RBFOX1: variants seen among roughly 807,000 people sequenced by gnomAD.
RBFOX1 encodes the protein RNA binding fox-1 homolog 1.
RBFOX1 carries 8 observed loss-of-function variants against 57.7 expected under a neutral mutation model. The ratio of observed to expected loss-of-function variants is 0.14; its 90% confidence interval spans 0.08 to 0.25. RBFOX1 has a LOEUF of 0.25. RBFOX1 is among the 10% of genes least tolerant of loss of function. RBFOX1 has a pLI of 1.00. For missense variants in RBFOX1, 611 were observed against 548.5 expected (o/e 1.11, Z -1.14); for synonymous variants, 326 against 222.4 (o/e 1.47, Z -4.15).
chr16:6,870,382 C>T (rs1003525512), intron 3 of RBFOX1, among the ~76,000 whole-genome samples: 1 of 152,140 alleles, frequency 6.6e-6, no homozygotes, highest in Non-Finnish European at 1.5e-5. Flanking sequence ...TCACATATCT[C>T]ATTTGCATTT....
At chr16:6,276,372 T>C (rs991099515) in intron 1 of RBFOX1, among the ~76,000 whole-genome samples, 4 of 152,200 alleles carry the variant, frequency 2.6e-5, no homozygotes, top group African/African-American at 9.6e-5. Context: ...TCCCATTCTG[T>C]TGCCCAAGCT....
Position 6,856,268 on chromosome 16 carries a change from G to A in RBFOX1, c.-15-195789G>A, listed in dbSNP as rs577187416. 1.2e-4 allele frequency among the ~76,000 whole-genome samples: 19 copies of A among 152,216 alleles called. 1 individual carries two copies. The East Asian group carries it at 3.7e-3, about 29-fold the overall frequency. On this transcript the variant is annotated intron_variant, in intron 3 of 15. Transcript: ENST00000550418. The stretch of plus-strand genomic sequence containing the variant: ...GCCTCCATCTGCTCAGATCTTTTTA[G>A]TAGGTGTTTTATTGTTGAGTATGAT...
intron 1 of RBFOX1, among the ~76,000 whole-genome samples, chr16:6,147,895 A>G (rs1405000045): frequency 1.3e-5 from 2 of 152,202 alleles, no homozygotes; most frequent in African/African-American, 4.8e-5. Flanking sequence ...CCCCACTTCT[A>G]GTCATCTCCA....
chr16:6,214,383 G>T (rs1471255320), intron 1 of RBFOX1, among the ~76,000 whole-genome samples: 1 of 150,168 alleles, frequency 6.7e-6, no homozygotes, highest in Non-Finnish European at 1.5e-5. Flanking sequence ...AAGAGTGAGA[G>T]TGAGAGGGAG....
chr16:6,098,199 G>A (rs934237263), intron 1 of RBFOX1, among the ~76,000 whole-genome samples: 7 of 152,196 alleles, frequency 4.6e-5, no homozygotes, highest in African/African-American at 1.7e-4. Context: ...CACCCTGGGA[G>A]GGCCTGTGTG....
At chr16:5,351,266 C>T (rs1050957154) in intron 1 of RBFOX1, among the ~76,000 whole-genome samples, 5 of 152,198 alleles carry the variant, frequency 3.3e-5, no homozygotes, top group Non-Finnish European at 5.9e-5. Context: ...ATATGTTTGT[C>T]ATCTGTTAAG....
intron 3 of RBFOX1, among the ~76,000 whole-genome samples, chr16:6,819,715 AAAAAAAAAAAAAAAAAT>A (rs2090902024): frequency 7.0e-6 from 1 of 142,802 alleles, no homozygotes; most frequent in Non-Finnish European, 1.5e-5. Flanking sequence ...CAAAAAAAAA[AAAAAAAAAAAAAAAAAT>A]AACAACACCA....
intron 4 of RBFOX1, among the ~76,000 whole-genome samples, chr16:7,466,458 C>A (rs1599124157): frequency 6.6e-6 from 1 of 152,222 alleles, no homozygotes; most frequent in East Asian, 1.9e-4. Flanking sequence ...GGCTTAGTAG[C>A]TCGGTTTTAA....
At chr16:5,601,964 A>C (rs1596399483), downstream of RBFOX1, among the ~76,000 whole-genome samples, 1 of 152,102 alleles carries the variant, frequency 6.6e-6, no homozygotes, top group African/African-American at 2.4e-5. Flanking sequence ...AGTGGAAGGG[A>C]TGATGGTATC....
intron 4 of RBFOX1, among the ~76,000 whole-genome samples, chr16:7,090,801 A>G (rs2060706672): frequency 6.6e-6 from 1 of 152,076 alleles, no homozygotes; most frequent in African/African-American, 2.4e-5. Flanking sequence ...AAAAGCAGGG[A>G]AGTCACGTTT....
At chr16:6,919,274 C>T (rs1158951959) in intron 3 of RBFOX1, among the ~76,000 whole-genome samples, 2 of 152,162 alleles carry the variant, frequency 1.3e-5, no homozygotes, top group Non-Finnish European at 2.9e-5. Context: ...AGGTGTGAGC[C>T]ATGGCGCCTG....
At chr16:5,791,909 C>G (rs748982062) in intron 3 of RBFOX1, among the ~76,000 whole-genome samples, 1 of 152,208 alleles carries the variant, frequency 6.6e-6, no homozygotes, top group Non-Finnish European at 1.5e-5. Context: ...GAAGAACCAG[C>G]AAGATGACTG....
At chr16:7,387,019 A>G (rs537051748) in intron 4 of RBFOX1, among the ~76,000 whole-genome samples, 6 of 152,306 alleles carry the variant, frequency 3.9e-5, no homozygotes, top group East Asian at 3.9e-4. Context: ...GGCTGCATAA[A>G]TGTCTTCTCT....
At chr16:6,560,836 C>A (rs1030913850) in intron 2 of RBFOX1, among the ~76,000 whole-genome samples, 1 of 152,104 alleles carries the variant, frequency 6.6e-6, no homozygotes. Context: ...ATGGAATCTC[C>A]AAGATCAAGC....
intron 1 of RBFOX1, among the ~76,000 whole-genome samples, chr16:6,268,360 A>G (rs1309866980): frequency 6.6e-6 from 1 of 152,076 alleles, no homozygotes; most frequent in East Asian, 1.9e-4. Flanking sequence ...GCCTTCCAGG[A>G]CAGTGCTCAG....
intron 3 of RBFOX1, among the ~76,000 whole-genome samples, chr16:6,719,397 A>G (rs185992568): frequency 6.6e-6 from 1 of 152,218 alleles, no homozygotes; most frequent in Admixed American, 6.5e-5. Context: ...ACTATTACTA[A>G]TAGTTTAAAA....
chr16:7,710,260 T>G (rs2083775524), intron 15 of RBFOX1: 18 of 1,082,736 alleles, frequency 1.7e-5, no homozygotes, highest in Non-Finnish European at 1.8e-5. Flanking sequence ...ACATGAGGAA[T>G]GTGTTGGAGA....
chr16:6,109,863 A>C lies in RBFOX1; in HGVS notation c.-127+89871A>C, dbSNP rs576258910. Reference sequence around the variant, plus strand: ...TTACATCAAATAGGATATTATATAAATTTCTTAAAACAGAGCAGAAATCTT... The same window carrying C: ...TTACATCAAATAGGATATTATATAACTTTCTTAAAACAGAGCAGAAATCTT... On this transcript the variant is annotated intron_variant, in intron 1 of 15. Transcript: ENST00000550418. Among the ~76,000 whole-genome samples, 192 of 152,296 alleles carry C rather than the reference A, an allele frequency of 1.3e-3. 2 individuals are homozygous for C. Among genetic ancestry groups the C allele is most frequent in the African/African-American group, 4.1e-3 (169 of 41,568 alleles).
At chr16:7,162,254 C>G (rs1188802260) in intron 4 of RBFOX1, among the ~76,000 whole-genome samples, 1 of 152,182 alleles carries the variant, frequency 6.6e-6, no homozygotes, top group Non-Finnish European at 1.5e-5. Context: ...CATCCATCAT[C>G]TACTTATATT....
Sources: allele counts gnomAD v4.1 joint callset (sites outside exome capture counted in the v4.1 genomes callset), GRCh38; gene constraint gnomAD v4.1.1; transcripts MANE v1.5; gene names NCBI Gene and HGNC (gene_info 2026-07-23, HGNC 2026-07-21).